Variants in KANSL1 observed in about 807,000 individuals in gnomAD.
KANSL1 encodes KAT8 regulatory NSL complex subunit 1, also known as MLL1/MLL complex subunit KANSL1.
KANSL1 carries 22 observed loss-of-function variants against 103.6 expected under a neutral mutation model. The ratio of observed to expected loss-of-function variants is 0.21; its 90% CI spans 0.15 to 0.30. KANSL1 has a LOEUF of 0.30. KANSL1 is among the 10% of genes least tolerant of loss of function. The pLI, the probability that KANSL1 is intolerant of heterozygous loss-of-function variation, is 1.00. For synonymous variants in KANSL1, 600 were observed against 527.6 expected (o/e 1.14, Z -1.88); for missense variants, 1,337 against 1,399.8 (o/e 0.96, Z 0.72).
intron 2 of KANSL1, among the ~76,000 whole-genome samples, chr17:46,103,769 T>C (rs945995555): frequency 5.9e-5 from 9 of 152,238 alleles, no homozygotes; most frequent in African/African-American, 1.7e-4. Context: ...CTCATGCCTG[T>C]AATCTCAGCA....
intron 4 of KANSL1, among the ~76,000 whole-genome samples, chr17:46,068,326 G>T (rs2078455956): frequency 6.6e-6 from 1 of 152,082 alleles, no homozygotes; most frequent in African/African-American, 2.4e-5. Context: ...TATTTTGAGA[G>T]GCAAAGGTAG....
At chr17:46,126,694 C>T (rs984273644) in intron 2 of KANSL1, among the ~76,000 whole-genome samples, 2 of 152,136 alleles carry the variant, frequency 1.3e-5, no homozygotes, top group Non-Finnish European at 2.9e-5. Flanking sequence ...TCCTCCAAAA[C>T]ATACAGTGTA....
chr17:46,189,923 A>T (rs2147904229), intron 1 of KANSL1, among the ~76,000 whole-genome samples: 1 of 152,114 alleles, frequency 6.6e-6, no homozygotes, highest in South Asian at 2.1e-4. Context: ...AAAAAAAAAA[A>T]AAATTGCTTG....
intron 1 of KANSL1, among the ~76,000 whole-genome samples, chr17:46,191,785 C>A: frequency 6.6e-6 from 1 of 152,128 alleles, no homozygotes; most frequent in East Asian, 1.9e-4. Context: ...TTGCTAGCCA[C>A]GTGACAAAGG....
intron 3 of KANSL1, among the ~76,000 whole-genome samples, chr17:46,089,939 G>A (rs1215039934): frequency 6.6e-6 from 1 of 152,200 alleles, no homozygotes; most frequent in East Asian, 1.9e-4. Flanking sequence ...AAAATTCCAT[G>A]GCTTGTTAGA....
intron 2 of KANSL1, among the ~76,000 whole-genome samples, chr17:46,141,808 C>T (rs1398781953): frequency 6.6e-6 from 1 of 152,118 alleles, no homozygotes; most frequent in South Asian, 2.1e-4. Context: ...TCAGCTTTTT[C>T]GGAAAGAGGG....
chr17:46,043,330 TGA>T (rs2077392870), intron 7 of KANSL1: 2 of 150,916 alleles, frequency 1.3e-5, no homozygotes, highest in East Asian at 1.9e-4. Context: ...GACAGGGATA[TGA>T]GAGACCTGGT....
chr17:46,080,587 G>A (rs946257779), intron 4 of KANSL1, among the ~76,000 whole-genome samples: 2 of 151,974 alleles, frequency 1.3e-5, no homozygotes, highest in South Asian at 2.1e-4. Flanking sequence ...ATTGACATAC[G>A]CACAGCTTTG....
intron 2 of KANSL1, among the ~76,000 whole-genome samples, chr17:46,099,292 C>T (rs1598615365): frequency 3.4e-5 from 5 of 147,404 alleles, no homozygotes; most frequent in Non-Finnish European, 7.5e-5. Context: ...CCACTGCACT[C>T]TCGCCTGGGC....
chr17:46,189,906 CAAAA>C (rs55934305), intron 1 of KANSL1, among the ~76,000 whole-genome samples: 4 of 112,466 alleles, frequency 3.6e-5, no homozygotes, highest in Admixed American at 9.5e-5. Context: ...GACCCTGCCT[CAAAA>C]AAAAAAAAAA....
upstream of KANSL1, among the ~76,000 whole-genome samples, chr17:46,194,826 G>A (rs377371703): frequency 6.6e-6 from 1 of 152,298 alleles, no homozygotes; most frequent in South Asian, 2.1e-4. Context: ...AGTCGTTACA[G>A]AACGGTTTTA....
intron 2 of KANSL1, chr17:46,152,998 C>T (rs1222099171): frequency 6.6e-6 from 1 of 152,220 alleles, no homozygotes; most frequent in South Asian, 2.1e-4. Flanking sequence ...GTCATGAGCA[C>T]ATCTGACATA....
At chr17:46,217,806 C>T (rs555669210) in intron 1 of KANSL1, among the ~76,000 whole-genome samples, 135 of 152,300 alleles carry the variant, frequency 8.9e-4, no homozygotes, top group African/African-American at 3.0e-3. Flanking sequence ...AGGCAGATCA[C>T]CTGAGGTCAG....
intron 1 of KANSL1, among the ~76,000 whole-genome samples, chr17:46,199,119 G>A (rs2047710688): frequency 6.6e-6 from 1 of 152,240 alleles, no homozygotes; most frequent in South Asian, 2.1e-4. Flanking sequence ...AATTTAGGAT[G>A]TAGAAGGAAT....
chr17:46,090,759 T>C (rs1348940339), intron 3 of KANSL1, among the ~76,000 whole-genome samples: 2 of 152,248 alleles, frequency 1.3e-5, no homozygotes, highest in East Asian at 3.8e-4. Context: ...TATAAGATTT[T>C]AATACAGCTG....
At chr17:46,062,464 T>A (rs2078212906) in intron 6 of KANSL1, among the ~76,000 whole-genome samples, 1 of 149,804 alleles carries the variant, frequency 6.7e-6, no homozygotes, top group African/African-American at 2.4e-5. Context: ...GTTCAAGCGA[T>A]TCTCCTGCCC....
intron 1 of KANSL1, among the ~76,000 whole-genome samples, chr17:46,179,017 A>C (rs367958807): frequency 6.6e-6 from 1 of 152,216 alleles, no homozygotes; most frequent in Non-Finnish European, 1.5e-5. Context: ...CCTAACCACT[A>C]ACTGACATCT....
chr17:46,118,405 C>G (rs2043136065), intron 2 of KANSL1, among the ~76,000 whole-genome samples: 1 of 152,238 alleles, frequency 6.6e-6, no homozygotes, highest in South Asian at 2.1e-4. Flanking sequence ...CATCCCTAAT[C>G]TGAAAGCTTG....
At chr17:46,174,627 C>T (rs2046435462) in intron 1 of KANSL1, among the ~76,000 whole-genome samples, 1 of 152,210 alleles carries the variant, frequency 6.6e-6, no homozygotes, top group Non-Finnish European at 1.5e-5. Flanking sequence ...CAGTGAATGT[C>T]AGGAAATCAT....
Sources: allele counts gnomAD v4.1 joint callset (sites outside exome capture counted in the v4.1 genomes callset), GRCh38; gene constraint gnomAD v4.1.1; transcripts MANE v1.5; gene names NCBI Gene and HGNC (gene_info 2026-07-23, HGNC 2026-07-21).